The following TRHDE variants were observed in gnomAD, a reference collection of about 807,000 sequenced individuals.
TRHDE encodes thyrotropin releasing hormone degrading enzyme.
A neutral mutation model predicts 125.7 loss-of-function variants in TRHDE; 72 were observed. The ratio of observed to expected loss-of-function variants is 0.57; its 90% CI spans 0.47 to 0.70. TRHDE has a LOEUF of 0.70. Ranked by LOEUF, TRHDE falls within the 30% of genes least tolerant of loss-of-function variation. TRHDE has a pLI of 0.00. For missense variants in TRHDE, 1,110 were observed against 1,327.1 expected (o/e 0.84, Z 2.54); for synonymous variants, 509 against 509.1 (o/e 1.00, Z 0.00).
chr12:72,465,600 T>C (rs778975566), intron 3 of TRHDE, among the ~76,000 whole-genome samples: 1 of 152,178 alleles, frequency 6.6e-6, no homozygotes, highest in Non-Finnish European at 1.5e-5. Context: ...TACCATACTT[T>C]ATTTATTCAC....
At chr12:72,341,235 C>G (rs906882937) in intron 2 of TRHDE, among the ~76,000 whole-genome samples, 2 of 151,748 alleles carry the variant, frequency 1.3e-5, no homozygotes, top group Non-Finnish European at 2.9e-5. Context: ...CTGCACCCAT[C>G]AGCTCATCAT....
At chr12:72,604,445 CAT>C (rs34945997) in intron 12 of TRHDE, among the ~76,000 whole-genome samples, 61,140 of 151,442 alleles carry the variant, frequency 0.4, 14,315 homozygotes, top group African/African-American at 0.64. Context: ...TAATATTAAA[CAT>C]GTGATTCTTG....
At chr12:72,543,316 A>G (rs1869245241) in intron 7 of TRHDE, among the ~76,000 whole-genome samples, 1 of 151,496 alleles carries the variant, frequency 6.6e-6, no homozygotes, top group Non-Finnish European at 1.5e-5. Context: ...CACAACAGAA[A>G]CTATATATAA....
At chr12:72,239,304 A>G (rs1878428151) in intron 2 of TRHDE, among the ~76,000 whole-genome samples, 1 of 151,986 alleles carries the variant, frequency 6.6e-6, no homozygotes, top group South Asian at 2.1e-4. Context: ...TCAGATGGAC[A>G]GATTGCAAAC....
chr12:72,655,926 CCTT>C (rs1238536302), intron 17 of TRHDE, among the ~76,000 whole-genome samples: 4 of 152,184 alleles, frequency 2.6e-5, no homozygotes, highest in Admixed American at 2.6e-4. Context: ...TTTAGTTCAA[CCTT>C]CTCATTTTAT....
chr12:72,645,422 G>T (rs1388426154), intron 15 of TRHDE, among the ~76,000 whole-genome samples: 1 of 152,050 alleles, frequency 6.6e-6, no homozygotes, highest in Non-Finnish European at 1.5e-5. Context: ...TTACTTAAAA[G>T]AGCAAAAATG....
intron 1 of TRHDE, chr12:72,274,479 A>G (rs1453187405): frequency 2.0e-5 from 3 of 152,244 alleles, no homozygotes; most frequent in Non-Finnish European, 2.9e-5. Context: ...TCTGCTGTTC[A>G]TCTAACTCTG....
intron 3 of TRHDE, among the ~76,000 whole-genome samples, chr12:72,429,279 CAT>C (rs1874325502): frequency 2.0e-5 from 3 of 151,236 alleles, no homozygotes; most frequent in Non-Finnish European, 4.4e-5. Context: ...ACCACCATGA[CAT>C]GTGTATACCT....
At position 72,532,429 on chromosome 12, in the gene TRHDE, C is replaced by T. The variant is rs1036446850; in HGVS notation, c.1723-9862C>T. Among the ~76,000 whole-genome samples the T allele has an allele frequency of 7.3e-5, 11 of 150,958 alleles. No homozygotes were observed. In the East Asian group the frequency reaches 1.6e-3, roughly 22 times the overall value. On this transcript the variant is annotated intron_variant, in intron 6 of 18. Coordinates refer to ENST00000261180, the MANE Select transcript of TRHDE (RefSeq NM_013381.3). The stretch of plus-strand genomic sequence containing the variant: ...ACTGCTTTATTTTTTAAATTTCATT[C>T]GTTCATTTTATTATACTTTTGAATA...
intron 12 of TRHDE, among the ~76,000 whole-genome samples, chr12:72,597,511 T>C (rs1871992700): frequency 6.6e-6 from 1 of 150,824 alleles, no homozygotes; most frequent in Non-Finnish European, 1.5e-5. Context: ...CTGCTAAAAA[T>C]ATAAAAATTA....
chr12:72,372,749 A>G (rs1871668184), intron 2 of TRHDE, among the ~76,000 whole-genome samples: 1 of 152,116 alleles, frequency 6.6e-6, no homozygotes, highest in Non-Finnish European at 1.5e-5. Context: ...ATTGATCTAT[A>G]TCTCTGTTTT....
intron 2 of TRHDE, among the ~76,000 whole-genome samples, chr12:72,292,819 T>C (rs1880138641): frequency 6.6e-6 from 1 of 152,188 alleles, no homozygotes; most frequent in African/African-American, 2.4e-5. Flanking sequence ...TCAAAATTGG[T>C]TCAAATCAAT....
chr12:72,648,159 T>C (rs1265053708), intron 15 of TRHDE, among the ~76,000 whole-genome samples: 1 of 151,960 alleles, frequency 6.6e-6, no homozygotes, highest in Non-Finnish European at 1.5e-5. Flanking sequence ...CACATGATCA[T>C]CTCAATAAAT....
intron 12 of TRHDE, among the ~76,000 whole-genome samples, chr12:72,592,744 C>A (rs1165779204): frequency 1.3e-5 from 2 of 149,806 alleles, no homozygotes; most frequent in African/African-American, 5.0e-5. Context: ...AAGTCTCACT[C>A]TTGCTACTCA....
intron 2 of TRHDE, among the ~76,000 whole-genome samples, chr12:72,371,512 G>A (rs1353176707): frequency 6.6e-6 from 1 of 151,320 alleles, no homozygotes; most frequent in Admixed American, 6.6e-5. Context: ...TTTAGCATTA[G>A]GTATATCTCC....
intron 6 of TRHDE, among the ~76,000 whole-genome samples, chr12:72,521,176 C>T (rs1021882549): frequency 2.6e-5 from 4 of 152,176 alleles, no homozygotes; most frequent in Non-Finnish European, 5.9e-5. Flanking sequence ...CCATTTATTT[C>T]TTCCCTTTTT....
At chr12:72,148,740 C>A (rs1261007991) in intron 2 of TRHDE, among the ~76,000 whole-genome samples, 1 of 152,202 alleles carries the variant, frequency 6.6e-6, no homozygotes, top group African/African-American at 2.4e-5. Context: ...GTCTTCCAAG[C>A]ACGTTTCAAT....
At chr12:72,271,977 C>T (rs1461300803), upstream of TRHDE, 1 of 456,734 alleles carries the variant, frequency 2.2e-6, no homozygotes, top group Non-Finnish European at 4.4e-6. Flanking sequence ...GAAGGCTTTT[C>T]CAGGACGGAT....
intron 2 of TRHDE, among the ~76,000 whole-genome samples, chr12:72,114,159 G>A (rs570160314): frequency 3.7e-5 from 1 of 27,016 alleles, no homozygotes; most frequent in African/African-American, 1.1e-4. Context: ...CTAACATTTT[G>A]GGGAATGAAA....
Sources: gnomAD v4.1 joint callset for allele counts (sites outside exome capture counted in the v4.1 genomes callset) on GRCh38, gnomAD v4.1.1 for gene constraint, MANE v1.5 for transcripts, NCBI Gene and HGNC (gene_info 2026-07-23, HGNC 2026-07-21) for gene names.